Variants in B3GALT1 observed in about 807,000 individuals in gnomAD.
The protein encoded by B3GALT1 is beta-1,3-galactosyltransferase 1, also known as UDP-Gal:betaGlcNAc beta 1,3-galactosyltransferase, polypeptide 1.
A neutral mutation model predicts 23.2 loss-of-function variants in B3GALT1; 10 were observed. The observed-to-expected ratio is 0.43, with a 90% CI of 0.27 to 0.73. The LOEUF (loss-of-function observed/expected upper bound fraction) is 0.73, where lower values mean the gene tolerates loss of function less well. Among genes scored for constraint, B3GALT1 ranks in the 30% least tolerant of loss-of-function variants. The pLI is 0.21. For synonymous variants in B3GALT1, 156 were observed against 141.5 expected (o/e 1.10, Z -0.73); for missense variants, 299 against 405.4 (o/e 0.74, Z 2.25).
intron 4 of B3GALT1, among the ~76,000 whole-genome samples, chr2:167,828,643 T>C (rs1451307780): frequency 9.2e-5 from 14 of 152,220 alleles, no homozygotes; most frequent in Admixed American, 9.2e-4. Flanking sequence ...GAATGTGCTC[T>C]CTTTTTAAAA....
At chr2:167,667,593 A>C (rs189449042) in intron 3 of B3GALT1, among the ~76,000 whole-genome samples, 292 of 152,342 alleles carry the variant, frequency 1.9e-3, no homozygotes, top group African/African-American at 6.7e-3. Flanking sequence ...TACACCAATC[A>C]GACGTAGATT....
intron 3 of B3GALT1, among the ~76,000 whole-genome samples, chr2:167,647,919 A>G (rs964394432): frequency 6.6e-6 from 1 of 152,114 alleles, no homozygotes. Flanking sequence ...TTATCCTTTG[A>G]GCTATAAACA....
intron 1 of B3GALT1, among the ~76,000 whole-genome samples, chr2:167,407,089 G>C (rs576528167): frequency 6.6e-6 from 1 of 152,226 alleles, no homozygotes; most frequent in African/African-American, 2.4e-5. Context: ...CCATATCTTA[G>C]ACTACAGAAC....
chr2:167,434,938 A>G (rs115322078), intron 1 of B3GALT1, among the ~76,000 whole-genome samples: 2,669 of 152,244 alleles, frequency 0.018, 34 homozygotes, highest in Non-Finnish European at 0.026. Flanking sequence ...AGAACTGGCA[A>G]TGAAAATAGG....
At chr2:167,555,362 G>A (rs552932164) in intron 2 of B3GALT1, among the ~76,000 whole-genome samples, 7 of 152,202 alleles carry the variant, frequency 4.6e-5, no homozygotes, top group Admixed American at 1.3e-4. Flanking sequence ...CAGGTCACAC[G>A]ACTCCTCATA....
chr2:167,840,940 C>G (rs1011341245), intron 4 of B3GALT1, among the ~76,000 whole-genome samples: 1 of 147,842 alleles, frequency 6.8e-6, no homozygotes, highest in East Asian at 2.0e-4. Context: ...AAACCAAACA[C>G]CGCATATTCT....
chr2:167,580,864 G>A (rs1684471956), intron 2 of B3GALT1, among the ~76,000 whole-genome samples: 1 of 152,070 alleles, frequency 6.6e-6, no homozygotes, highest in Non-Finnish European at 1.5e-5. Context: ...ATCTGAGGGA[G>A]GAGGCTTCAA....
In B3GALT1 at chr2:167,357,020, G is replaced by A. The variant is rs1225659255; in HGVS notation, c.-511+63686G>A. Among the ~76,000 whole-genome samples, 13 of 150,760 alleles carry A rather than the reference G, an allele frequency of 8.6e-5. No homozygotes were observed. The South Asian group carries it at 2.3e-3, about 27-fold the overall frequency. On this transcript the variant is annotated intron_variant, in intron 1 of 4. Transcript: ENST00000392690. ...TGCAAATGATTTTCCCAGTTTGTAT[G>A]TGTGTGTGTGTATATATATATATGT...
chr2:167,559,930 G>A (rs562757494), intron 2 of B3GALT1, among the ~76,000 whole-genome samples: 22 of 152,182 alleles, frequency 1.4e-4, no homozygotes, highest in South Asian at 1.0e-3. Context: ...GCAGGCCAAC[G>A]TTCAGATTCA....
intron 3 of B3GALT1, among the ~76,000 whole-genome samples, chr2:167,668,044 T>G (rs915416295): frequency 2.0e-5 from 3 of 152,150 alleles, no homozygotes; most frequent in Non-Finnish European, 4.4e-5. Flanking sequence ...GAGTTTCCAG[T>G]TTTTCTGCTC....
intron 2 of B3GALT1, among the ~76,000 whole-genome samples, chr2:167,502,531 A>C (rs1699861837): frequency 1.3e-5 from 2 of 151,418 alleles, no homozygotes; most frequent in South Asian, 4.2e-4. Flanking sequence ...GGGAGGCCTC[A>C]GAAAACTTAC....
chr2:167,344,221 T>G (rs1342421049), intron 1 of B3GALT1, among the ~76,000 whole-genome samples: 1 of 152,174 alleles, frequency 6.6e-6, no homozygotes, highest in Non-Finnish European at 1.5e-5. Context: ...GATGAGCAAT[T>G]GAACCAGTTT....
chr2:167,682,113 G>T (rs1686540474), intron 3 of B3GALT1, among the ~76,000 whole-genome samples: 1 of 151,958 alleles, frequency 6.6e-6, no homozygotes, highest in African/African-American at 2.4e-5. Context: ...TCCCCATCCT[G>T]TTCCTATTGC....
chr2:167,633,991 C>T (rs552463777), intron 2 of B3GALT1, among the ~76,000 whole-genome samples: 30 of 152,204 alleles, frequency 2.0e-4, no homozygotes, highest in African/African-American at 5.3e-4. Context: ...TCATAACAAA[C>T]GGTTTCTCAG....
chr2:167,383,490 T>C (rs993103353), intron 1 of B3GALT1, among the ~76,000 whole-genome samples: 1 of 152,154 alleles, frequency 6.6e-6, no homozygotes, highest in African/African-American at 2.4e-5. Flanking sequence ...TCACTGACCT[T>C]CCTGAGCTCT....
At chr2:167,717,870 G>C (rs756188710) in intron 3 of B3GALT1, among the ~76,000 whole-genome samples, 3 of 152,086 alleles carry the variant, frequency 2.0e-5, no homozygotes, top group Non-Finnish European at 1.5e-5. Context: ...ATGTCTATCC[G>C]TCTGTCTCTA....
chr2:167,635,556 A>G (rs1685536206), intron 2 of B3GALT1, among the ~76,000 whole-genome samples: 1 of 152,108 alleles, frequency 6.6e-6, no homozygotes, highest in Non-Finnish European at 1.5e-5. Flanking sequence ...CGCCAATAAC[A>G]GACAGAGAGC....
rs200587892 is a variant in B3GALT1 at position 167,845,708 on chromosome 2, A to AC, written c.-229-23096dup. ...CAAGGCTCTTTAACACCGCGCCCCC[A>AC]CCCCCCCGCAACAACAAAATCACAC... On this transcript the variant is annotated intron_variant, in intron 4 of 4. Coordinates refer to ENST00000392690, the MANE Select transcript of B3GALT1 (RefSeq NM_020981.4). Among the ~76,000 whole-genome samples the AC allele has an allele frequency of 6.8e-3, 1,015 of 149,368 alleles. 16 individuals are homozygous for AC. The highest frequency in any genetic ancestry group is 0.023 in the African/African-American group (941 of 40,572).
At chr2:167,315,435 C>G (rs1261430026) in intron 1 of B3GALT1, among the ~76,000 whole-genome samples, 2 of 151,870 alleles carry the variant, frequency 1.3e-5, no homozygotes, top group Non-Finnish European at 2.9e-5. Context: ...ATTTTTTTGA[C>G]AAAGGTAGGA....
Sources: allele counts gnomAD v4.1 joint callset (sites outside exome capture counted in the v4.1 genomes callset), GRCh38; gene constraint gnomAD v4.1.1; transcripts MANE v1.5; gene names NCBI Gene and HGNC (gene_info 2026-07-23, HGNC 2026-07-21).